Variants in SH3RF1 observed in about 807,000 individuals in gnomAD.
The protein encoded by SH3RF1 is SH3 domain containing ring finger 1, also known as E3 ubiquitin-protein ligase SH3RF1.
A neutral mutation model predicts 74.0 loss-of-function variants in SH3RF1; 32 were observed. The observed-to-expected ratio is 0.43, with a 90% CI of 0.33 to 0.58. The LOEUF (loss-of-function observed/expected upper bound fraction) is 0.58, where lower values mean the gene tolerates loss of function less well. SH3RF1 is among the 20% of genes least tolerant of loss of function. SH3RF1 has a pLI of 0.05. For missense variants in SH3RF1, 954 were observed against 1,130.9 expected (o/e 0.84, Z 2.24); for synonymous variants, 396 against 439.6 (o/e 0.90, Z 1.24).
intron 2 of SH3RF1, among the ~76,000 whole-genome samples, chr4:169,208,609 T>C (rs1730302155): frequency 6.6e-6 from 1 of 152,202 alleles, no homozygotes; most frequent in African/African-American, 2.4e-5. Context: ...AATTTCACTC[T>C]GTCTTAGTGC....
intron 2 of SH3RF1, among the ~76,000 whole-genome samples, chr4:169,173,698 G>A (rs1734368299): frequency 6.6e-6 from 1 of 152,148 alleles, no homozygotes; most frequent in Admixed American, 6.5e-5. Context: ...AGAGGGGTTA[G>A]CTTACTGAGC....
rs1733501410 is a variant in SH3RF1 at position 169,124,997 on chromosome 4, C to G, written c.1180-2731G>C. 2.0e-5 allele frequency among the ~76,000 whole-genome samples: 3 copies of G among 151,984 alleles called. 1 individual carries two copies. The highest frequency in any genetic ancestry group is 7.3e-5 in the African/African-American group (3 of 41,358). ...CCAAGTATACACTCTCTACTACAGGCAAAAAACAGCTATGGACCTTCTAGA... is the reference window on the plus strand; with the variant it reads ...CCAAGTATACACTCTCTACTACAGGGAAAAAACAGCTATGGACCTTCTAGA... On this transcript the variant is annotated intron_variant, in intron 6 of 11. Transcript: ENST00000284637.
chr4:169,144,692 T>G (rs1273117511), intron 4 of SH3RF1, among the ~76,000 whole-genome samples: 1 of 152,258 alleles, frequency 6.6e-6, no homozygotes, highest in East Asian at 1.9e-4. Context: ...AGGCACACTA[T>G]AGTGAACTAT....
intron 11 of SH3RF1, 84 bp downstream of exon 11, chr4:169,106,763 A>G: frequency 8.7e-7 from 1 of 1,147,588 alleles, no homozygotes; most frequent in East Asian, 2.5e-5. Context: ...GATGTGGCAA[A>G]ACATCTTAAA....
chr4:169,159,476 G>C (rs1473781462), intron 2 of SH3RF1, among the ~76,000 whole-genome samples: 1 of 152,188 alleles, frequency 6.6e-6, no homozygotes, highest in Non-Finnish European at 1.5e-5. Context: ...GCAGTATAGG[G>C]TACTGGCTGG....
At chr4:169,208,511 T>G (rs1425026010) in intron 2 of SH3RF1, among the ~76,000 whole-genome samples, 1 of 152,210 alleles carries the variant, frequency 6.6e-6, no homozygotes, top group Non-Finnish European at 1.5e-5. Flanking sequence ...TGTATGTGTA[T>G]GATATAATAA....
chr4:169,219,686 T>C (rs997974935), intron 2 of SH3RF1, among the ~76,000 whole-genome samples: 2 of 152,214 alleles, frequency 1.3e-5, no homozygotes, highest in Non-Finnish European at 1.5e-5. Context: ...CTGCTCTAAT[T>C]ACTCAAAGAA....
At chr4:169,179,432 T>C (rs747191027) in intron 2 of SH3RF1, among the ~76,000 whole-genome samples, 2 of 152,174 alleles carry the variant, frequency 1.3e-5, no homozygotes, top group African/African-American at 4.8e-5. Flanking sequence ...TTTTAAGCCA[T>C]TGAATTTGTT....
intron 4 of SH3RF1, among the ~76,000 whole-genome samples, chr4:169,139,153 G>C (rs190179365): frequency 6.6e-6 from 1 of 152,144 alleles, no homozygotes; most frequent in African/African-American, 2.4e-5. Flanking sequence ...ATGATATCTA[G>C]CTGGTGTCGA....
chr4:169,132,831 AC>A (rs1733640820), intron 5 of SH3RF1, among the ~76,000 whole-genome samples: 1 of 152,172 alleles, frequency 6.6e-6, no homozygotes, highest in South Asian at 2.1e-4. Flanking sequence ...AGAGGAGGAG[AC>A]AAAACATCTT....
In SH3RF1 at chr4:169,095,357, T is replaced by A. The variant is rs535425150; in HGVS notation, c.*1162A>T. ...GGGGTAGAGAAGAGAACACTGTTTATTTTTACACCTCCTGAATTGGTCAAT... is the reference window on the plus strand; with the variant it reads ...GGGGTAGAGAAGAGAACACTGTTTAATTTTACACCTCCTGAATTGGTCAAT... On this transcript the variant is annotated 3_prime_UTR_variant, in exon 12 of 12. Transcript: ENST00000284637. 6.6e-6 allele frequency: 1 copy of A among 152,624 alleles called. No homozygotes were observed. The highest frequency in any genetic ancestry group is 1.5e-5 in the Non-Finnish European group (1 of 68,040). The allele number at this position is 152,624 out of a possible 1,614,324, so 9.5% of individuals were successfully genotyped here. A position where few individuals can be genotyped will look rare whatever the true frequency, so the allele number is the denominator to read the frequency against.
At chr4:169,139,187 C>T (rs531115797) in intron 4 of SH3RF1, among the ~76,000 whole-genome samples, 30 of 152,322 alleles carry the variant, frequency 2.0e-4, no homozygotes, top group African/African-American at 6.3e-4. Flanking sequence ...AGCGATCCTC[C>T]TGTCTCAGCC....
intron 10 of SH3RF1, among the ~76,000 whole-genome samples, chr4:169,107,655 A>G (rs1733168810): frequency 6.6e-6 from 1 of 152,194 alleles, no homozygotes; most frequent in South Asian, 2.1e-4. Flanking sequence ...TGCCTATCCT[A>G]TCTCTAATTA....
In SH3RF1 at chr4:169,166,360, T is replaced by C. The variant is rs774566702; in HGVS notation, c.394-9681A>G. On this transcript the variant is annotated intron_variant, in intron 2 of 11. Coordinates refer to ENST00000284637, the MANE Select transcript of SH3RF1 (RefSeq NM_020870.4). ...ATGCTGGTGGTAAGGTGAAAACGGG[T>C]AACTTCAAGGCTAAAAGCCCCAAGA... 4.4e-4 allele frequency: 69 copies of C among 158,076 alleles called. 1 individual carries two copies. The highest frequency in any genetic ancestry group is 8.6e-4 in the Non-Finnish European group (61 of 70,690). 9.8% of individuals were successfully genotyped at this position (158,076 alleles called of 1,614,324 possible). A position where few individuals can be genotyped will look rare whatever the true frequency, so the allele number is the denominator to read the frequency against.
rs559501998 is a variant in SH3RF1, at chr4:169,138,640, G to A, written c.766-2020C>T. Among the ~76,000 whole-genome samples the A allele has an allele frequency of 3.0e-4, 46 of 152,292 alleles. 1 individual carries two copies. The South Asian group carries it at 9.3e-3, about 31-fold the overall frequency. On this transcript the variant is annotated intron_variant, in intron 4 of 11. Transcript: ENST00000284637. The stretch of plus-strand genomic sequence containing the variant: ...TGAATAGAGGAAACTATCAAATCTA[G>A]TTGATATCATGTTTAGATTAATTCT...
intron 6 of SH3RF1, among the ~76,000 whole-genome samples, chr4:169,124,334 C>A (rs566100354): frequency 3.7e-4 from 56 of 152,182 alleles, no homozygotes; most frequent in Middle Eastern, 3.4e-3. Flanking sequence ...CATCTATGCA[C>A]CTGATAAAAA....
chr4:169,224,394 T>C (rs530583552), intron 2 of SH3RF1, among the ~76,000 whole-genome samples: 2 of 152,028 alleles, frequency 1.3e-5, no homozygotes, highest in African/African-American at 2.4e-5. Context: ...CTTGGCTCAC[T>C]GCAACCTCCA....
At chr4:169,125,252 G>A (rs370364149) in intron 6 of SH3RF1, among the ~76,000 whole-genome samples, 8 of 152,136 alleles carry the variant, frequency 5.3e-5, no homozygotes, top group Admixed American at 3.3e-4. Context: ...GGCAGTCCTC[G>A]ACTTCCTTCC....
At chr4:169,226,026 T>A (rs1042044144) in intron 2 of SH3RF1, among the ~76,000 whole-genome samples, 1 of 152,160 alleles carries the variant, frequency 6.6e-6, no homozygotes, top group African/African-American at 2.4e-5. Flanking sequence ...AGCTATTATA[T>A]ATATAGCAAC....
Sources: allele counts gnomAD v4.1 joint callset (sites outside exome capture counted in the v4.1 genomes callset), GRCh38; gene constraint gnomAD v4.1.1; transcripts MANE v1.5; gene names NCBI Gene and HGNC (gene_info 2026-07-23, HGNC 2026-07-21).